The following RFX2 variants were observed in gnomAD, a reference collection of about 807,000 sequenced individuals.
RFX2 encodes the protein regulatory factor X2, also known as DNA-binding protein RFX2.
Under a neutral mutation model 87.8 loss-of-function variants are expected in RFX2, and 20 were observed. The ratio of observed to expected loss-of-function variants is 0.23; its 90% confidence interval spans 0.16 to 0.33. RFX2 has a LOEUF of 0.33. Among genes scored for constraint, RFX2 ranks in the 10% least tolerant of loss-of-function variants. RFX2 has a pLI of 1.00. For synonymous variants in RFX2, 397 were observed against 431.3 expected (o/e 0.92, Z 0.98); for missense variants, 767 against 1,012.3 (o/e 0.76, Z 3.29).
At chr19:6,087,346 G>C (rs2087868623) in intron 1 of RFX2, among the ~76,000 whole-genome samples, 1 of 152,148 alleles carries the variant, frequency 6.6e-6, no homozygotes, top group Non-Finnish European at 1.5e-5. Context: ...GCTGATAATT[G>C]GCTCTGCTTT....
intron 9 of RFX2, 78 bp from the exon 10 acceptor site, chr19:6,008,302 G>A (rs2086614147): frequency 1.3e-6 from 1 of 796,524 alleles, no homozygotes; most frequent in Non-Finnish European, 2.0e-6. Context: ...CACGGTGGAT[G>A]GGGGCCCAGA....
intron 12 of RFX2, 125 bp downstream of exon 12, chr19:6,006,887 C>G (rs915858061): frequency 1.8e-6 from 2 of 1,119,652 alleles, no homozygotes; most frequent in Admixed American, 4.5e-5. Context: ...CCACCGCGCC[C>G]GGCCACTTTT....
chr19:6,081,993 C>T (rs2087791424), intron 1 of RFX2, among the ~76,000 whole-genome samples: 1 of 152,174 alleles, frequency 6.6e-6, no homozygotes, highest in Non-Finnish European at 1.5e-5. Context: ...GAGGCTGAGG[C>T]AGGAGAATGG....
rs549325432 is a variant in RFX2, at chr19:5,998,238, G to T, written c.1860-1025C>A. On this transcript the variant is annotated intron_variant, in intron 15 of 17. Transcript: ENST00000303657. The surrounding 1 kb of genome is among the most constrained non-coding windows in gnomAD (Gnocchi z 4.2). ...CAGGAAAATTGCTTGAACCTGGGAG[G>T]CGGAGGCTGCAGTGAGCCGAGATCA... Among the ~76,000 whole-genome samples the T allele has an allele frequency of 6.6e-6, 1 of 152,264 alleles. No homozygotes were observed. The highest frequency in any genetic ancestry group is 2.4e-5 in the African/African-American group (1 of 41,530).
chr19:6,038,159 T>A (rs10407834), intron 5 of RFX2, among the ~76,000 whole-genome samples: 12,848 of 151,766 alleles, frequency 0.085, 1,847 homozygotes, highest in African/African-American at 0.29. Flanking sequence ...AAACCCTGTC[T>A]GTACTGAAAA....
chr19:6,010,051 A>G lies in RFX2; in HGVS notation c.1015+85T>C, dbSNP rs1199610837. 4 of 770,740 alleles carry G rather than the reference A, an allele frequency of 5.2e-6. No individual in the cohort carries two copies. The highest frequency in any genetic ancestry group is 3.5e-5 in the South Asian group (2 of 57,148). The allele number at this position is 770,740 out of a possible 1,614,324, so 47.7% of individuals were successfully genotyped here. A position where few individuals can be genotyped will look rare whatever the true frequency, so the allele number is the denominator to read the frequency against. On this transcript the variant is annotated intron_variant, in intron 9 of 17. Coordinates refer to ENST00000303657, the MANE Select transcript of RFX2 (RefSeq NM_000635.4). The surrounding 1 kb of genome is among the most constrained non-coding windows in gnomAD (Gnocchi z 5.0). ...AAAACTGTCGGAAGCAGACGCTTAG[A>G]CACCACTGGTTCTGCTGGTGTTGAA...
intron 1 of RFX2, among the ~76,000 whole-genome samples, chr19:6,093,512 G>GC (rs909456901): frequency 6.6e-6 from 1 of 152,114 alleles, no homozygotes; most frequent in Non-Finnish European, 1.5e-5. Context: ...TCCAGCCTGG[G>GC]CGACAGAGCA....
chr19:6,091,795 C>T (rs1439599417), intron 1 of RFX2, among the ~76,000 whole-genome samples: 1 of 152,132 alleles, frequency 6.6e-6, no homozygotes, highest in Non-Finnish European at 1.5e-5. Context: ...TGAGTCTAAG[C>T]CGCAAAACGT....
At chr19:6,095,774 A>T (rs1599929957) in intron 1 of RFX2, among the ~76,000 whole-genome samples, 1 of 152,160 alleles carries the variant, frequency 6.6e-6, no homozygotes, top group African/African-American at 2.4e-5. Flanking sequence ...ACCGCCCACC[A>T]CCCAAATCTG....
chr19:6,003,778 C>CAAAAAA lies in RFX2; in HGVS notation c.1500+417_1500+422dup, dbSNP rs57470328. 1.0e-3 allele frequency among the ~76,000 whole-genome samples: 44 copies of CAAAAAA among 42,004 alleles called. 1 individual carries two copies. The highest frequency in any genetic ancestry group is 1.2e-3 in the Non-Finnish European group (24 of 19,562). The allele number at this position is 42,004 out of a possible 152,430, so 27.6% of individuals were successfully genotyped here. On this transcript the variant is annotated intron_variant, in intron 13 of 17. Coordinates refer to ENST00000303657, the MANE Select transcript of RFX2 (RefSeq NM_000635.4). ...TGGGCGACAGAGTGAGACTCTGTCT[C>CAAAAAA]AAAAAAAAAAAAAAAAAAAAAAAAA...
intron 7 of RFX2, among the ~76,000 whole-genome samples, chr19:6,015,278 A>G (rs1262818711): frequency 6.6e-6 from 1 of 151,962 alleles, no homozygotes; most frequent in Non-Finnish European, 1.5e-5. Context: ...AAATATAAAA[A>G]TTAGCCAGGC....
intron 9 of RFX2, among the ~76,000 whole-genome samples, chr19:6,009,158 G>T (rs536295186): frequency 6.6e-6 from 1 of 152,292 alleles, no homozygotes; most frequent in East Asian, 1.9e-4. Context: ...GCCAGCCACG[G>T]TGTCCCTGCA....
Position 5,995,641 on chromosome 19 carries a change from G to C in RFX2, c.2016C>G (p.Phe672Leu). 1 of 1,552,386 alleles carries C rather than the reference G, an allele frequency of 6.4e-7. No homozygotes were observed. Among genetic ancestry groups the C allele is most frequent in the Non-Finnish European group, 8.7e-7 (1 of 1,147,442 alleles). ...GETPIAVMGEFNDLASLSLTL... is the reference protein window; with the variant it reads ...GETPIAVMGELNDLASLSLTL... ...TCAGCGACAGAGAGGCGAGATCGTT[G>C]AACTGAAAGAGAAACCTGGAGTCAG... The change falls in exon 17 of 18, where the codon TTC becomes TTG. Residue 672 changes from phenylalanine to leucine, a missense_variant and splice_region_variant. Transcript: ENST00000303657.
At chr19:6,003,607 T>C (rs1213028223) in intron 13 of RFX2, among the ~76,000 whole-genome samples, 1 of 151,344 alleles carries the variant, frequency 6.6e-6, no homozygotes, top group Non-Finnish European at 1.5e-5. Context: ...CGAAACCCTG[T>C]CTCTACTAAA....
Position 6,014,361 on chromosome 19 carries a change from C to T in RFX2, c.780-1256G>A, listed in dbSNP as rs528402742. ...AGAAATTCTCCAGCCTCAGCCTCCC[C>T]GATTAGCTGGGATTACAGGTATGTG... On this transcript the variant is annotated intron_variant, in intron 7 of 17. Transcript: ENST00000303657. Among the ~76,000 whole-genome samples the T allele has an allele frequency of 5.3e-5, 8 of 152,220 alleles. No homozygotes were observed. In the South Asian group the frequency reaches 1.0e-3, roughly 20 times the overall value.
intron 1 of RFX2, among the ~76,000 whole-genome samples, chr19:6,086,091 CAAAAAAA>C (rs11340459): frequency 1.7e-5 from 1 of 59,460 alleles, no homozygotes; most frequent in Non-Finnish European, 3.1e-5. Flanking sequence ...GATCCTGTCT[CAAAAAAA>C]AAAAAAAAAA....
Position 6,011,668 on chromosome 19 carries a change from T to C in RFX2, c.899+1318A>G, listed in dbSNP as rs1318109288. 6.6e-6 allele frequency among the ~76,000 whole-genome samples: 1 copy of C among 152,078 alleles called. No individual in the cohort carries two copies. The highest frequency in any genetic ancestry group is 1.5e-5 in the Non-Finnish European group (1 of 68,010). On this transcript the variant is annotated intron_variant, in intron 8 of 17. Coordinates refer to ENST00000303657, the MANE Select transcript of RFX2 (RefSeq NM_000635.4). The surrounding 1 kb of genome is among the most constrained non-coding windows in gnomAD (Gnocchi z 4.8). ...GAGTCCATGTCTGCAGACAACGAGG[T>C]ACAGAAGGAATGCTCTGGAAACTCT...
In RFX2 at chr19:6,026,369, A is replaced by C; in HGVS notation, c.523-132T>G. On this transcript the variant is annotated intron_variant, in intron 5 of 17. Coordinates refer to ENST00000303657, the MANE Select transcript of RFX2 (RefSeq NM_000635.4). This position sits in a 1 kb window ranked among gnomAD's most constrained non-coding sequence, Gnocchi z 4.5. The stretch of plus-strand genomic sequence containing the variant: ...ATGATTCGAGCTCCTACAAAATAAA[A>C]ATGAGGCTCCACGCAGGCAGGGCGG... The C allele has an allele frequency of 1.3e-6, 1 of 775,620 alleles. No homozygotes were observed. The allele number at this position is 775,620 out of a possible 1,614,324, so 48.0% of individuals were successfully genotyped here. A position where few individuals can be genotyped will look rare whatever the true frequency, so the allele number is the denominator to read the frequency against.
rs2086669929 is a variant in RFX2 at position 6,012,345 on chromosome 19, C to T, written c.899+641G>A. 1.3e-5 allele frequency: 2 copies of T among 152,226 alleles called. No homozygotes were observed. The highest frequency in any genetic ancestry group is 1.5e-5 in the Non-Finnish European group (1 of 68,066). The allele number at this position is 152,226 out of a possible 1,614,324, so 9.4% of individuals were successfully genotyped here. A position where few individuals can be genotyped will look rare whatever the true frequency, so the allele number is the denominator to read the frequency against. Reference sequence around the variant, plus strand: ...AAAAATTAAAGGTCTGTGATTCCAACTATATGACACTGGGGAACGGGGAAA... The same window carrying T: ...AAAAATTAAAGGTCTGTGATTCCAATTATATGACACTGGGGAACGGGGAAA... On this transcript the variant is annotated intron_variant, in intron 8 of 17. Transcript: ENST00000303657. The surrounding 1 kb of genome is among the most constrained non-coding windows in gnomAD (Gnocchi z 4.6).
Sources: gnomAD v4.1 joint callset for allele counts (sites outside exome capture counted in the v4.1 genomes callset) on GRCh38, gnomAD v4.1.1 for gene constraint, Gnocchi (gnomAD v3.1) non-coding constraint, MANE v1.5 for transcripts, NCBI Gene and HGNC (gene_info 2026-07-23, HGNC 2026-07-21) for gene names.